Variants in LRRC4C observed in about 807,000 individuals in gnomAD.
LRRC4C encodes leucine rich repeat containing 4C.
In LRRC4C, 5 loss-of-function variants were observed where a neutral mutation model predicts 33.6. The ratio of observed to expected loss-of-function variants is 0.15; its 90% CI spans 0.08 to 0.31. The LOEUF (loss-of-function observed/expected upper bound fraction) is 0.31. Ranked by LOEUF, LRRC4C falls within the 10% of genes least tolerant of loss-of-function variation. The pLI is 1.00. For missense variants in LRRC4C, 560 were observed against 796.7 expected (o/e 0.70, Z 3.58); for synonymous variants, 329 against 302.0 (o/e 1.09, Z -0.93).
chr11:41,185,868 AT>A (rs1945672357), intron 1 of LRRC4C, among the ~76,000 whole-genome samples: 1 of 152,094 alleles, frequency 6.6e-6, no homozygotes, highest in Non-Finnish European at 1.5e-5. Flanking sequence ...AAAAACCAAA[AT>A]TTTAAAAAAA....
chr11:40,448,396 C>T (rs1951734379), intron 3 of LRRC4C, among the ~76,000 whole-genome samples: 1 of 152,064 alleles, frequency 6.6e-6, no homozygotes, highest in Admixed American at 6.6e-5. Context: ...TGCTACCCTC[C>T]CCTAGCTCCC....
chr11:40,609,913 A>AG (rs796128539), intron 3 of LRRC4C, among the ~76,000 whole-genome samples: 42 of 152,088 alleles, frequency 2.8e-4, no homozygotes, highest in African/African-American at 1.0e-3. Context: ...ACCTCCTAAC[A>AG]GAGAAAAGTC....
chr11:40,360,401 C>A (rs1590439202), intron 3 of LRRC4C, among the ~76,000 whole-genome samples: 1 of 152,154 alleles, frequency 6.6e-6, no homozygotes, highest in African/African-American at 2.4e-5. Flanking sequence ...GTCCGGGAAA[C>A]TACCAAGTCT....
chr11:40,372,682 A>G (rs1948501229), intron 3 of LRRC4C, among the ~76,000 whole-genome samples: 1 of 151,998 alleles, frequency 6.6e-6, no homozygotes, highest in African/African-American at 2.4e-5. Flanking sequence ...CCTGGATAGG[A>G]ATTTTGGGTT....
At chr11:41,262,687 T>C in intron 1 of LRRC4C, among the ~76,000 whole-genome samples, 1 of 152,160 alleles carries the variant, frequency 6.6e-6, no homozygotes, top group East Asian at 1.9e-4. Flanking sequence ...ACAGTTTTTG[T>C]TCAGTTGTCT....
chr11:40,295,042 G>A (rs946046388), intron 4 of LRRC4C, among the ~76,000 whole-genome samples: 10 of 152,146 alleles, frequency 6.6e-5, no homozygotes, highest in African/African-American at 2.4e-4. Flanking sequence ...AGGACAGCTT[G>A]ACAACTCAAT....
At chr11:40,221,886 C>G (rs1045799936) in intron 5 of LRRC4C, among the ~76,000 whole-genome samples, 1 of 152,118 alleles carries the variant, frequency 6.6e-6, no homozygotes, top group South Asian at 2.1e-4. Context: ...TTAAAAGGGA[C>G]AGGAATTGCT....
chr11:41,256,127 T>A (rs2136683951), intron 1 of LRRC4C, among the ~76,000 whole-genome samples: 1 of 152,168 alleles, frequency 6.6e-6, no homozygotes, highest in South Asian at 2.1e-4. Flanking sequence ...TTTTAAAGGC[T>A]GGCTCTGTCT....
intron 2 of LRRC4C, among the ~76,000 whole-genome samples, chr11:40,822,999 C>T (rs555560899): frequency 1.3e-5 from 2 of 151,752 alleles, no homozygotes; most frequent in South Asian, 4.1e-4. Flanking sequence ...GTGATTTTAT[C>T]TCTGGGTTCT....
intron 1 of LRRC4C, among the ~76,000 whole-genome samples, chr11:41,249,351 T>C (rs968056572): frequency 2.6e-5 from 4 of 152,148 alleles, no homozygotes; most frequent in African/African-American, 7.2e-5. Context: ...TATCTTCTTA[T>C]ACTTGGATTC....
chr11:41,084,135 C>A (rs930330868), intron 1 of LRRC4C, among the ~76,000 whole-genome samples: 2 of 152,044 alleles, frequency 1.3e-5, no homozygotes, highest in Non-Finnish European at 2.9e-5. Context: ...TGTATCTGCT[C>A]AAGAAAAGAA....
At chr11:40,992,772 T>C (rs1426029685) in intron 1 of LRRC4C, among the ~76,000 whole-genome samples, 1 of 152,162 alleles carries the variant, frequency 6.6e-6, no homozygotes, top group African/African-American at 2.4e-5. Flanking sequence ...GGTCTACTGT[T>C]TAGTATTCTC....
At chr11:41,209,812 C>G (rs944811021) in intron 1 of LRRC4C, among the ~76,000 whole-genome samples, 4 of 151,950 alleles carry the variant, frequency 2.6e-5, no homozygotes, top group African/African-American at 9.7e-5. Flanking sequence ...GAATTGCGTC[C>G]TCCCAGAATT....
At chr11:40,196,241 A>T (rs1320223588) in intron 5 of LRRC4C, among the ~76,000 whole-genome samples, 1 of 152,214 alleles carries the variant, frequency 6.6e-6, no homozygotes, top group Non-Finnish European at 1.5e-5. Context: ...AAAGGATGAA[A>T]CAAACAGAAT....
chr11:41,138,870 TTTAA>T (rs1376747873), intron 1 of LRRC4C, among the ~76,000 whole-genome samples: 4 of 152,214 alleles, frequency 2.6e-5, no homozygotes, highest in African/African-American at 4.8e-5. Flanking sequence ...TTGAGATTTC[TTTAA>T]TTAAACTTTC....
At chr11:40,574,551 G>C (rs1958108601) in intron 3 of LRRC4C, among the ~76,000 whole-genome samples, 1 of 152,078 alleles carries the variant, frequency 6.6e-6, no homozygotes, top group Non-Finnish European at 1.5e-5. Context: ...ACACCATATG[G>C]ATAAATATTT....
intron 4 of LRRC4C, among the ~76,000 whole-genome samples, chr11:40,246,174 A>G (rs1052582531): frequency 2.0e-5 from 3 of 151,986 alleles, no homozygotes; most frequent in Admixed American, 6.6e-5. Flanking sequence ...GGGTTTCACC[A>G]TGTTGGCCAG....
At chr11:40,596,522 G>A (rs11035950) in intron 3 of LRRC4C, among the ~76,000 whole-genome samples, 35,339 of 151,082 alleles carry the variant, frequency 0.23, 4,443 homozygotes, top group East Asian at 0.5. Context: ...TAATCATCCT[G>A]TTTTGCTACA....
chr11:41,156,242 G>A (rs1487085), intron 1 of LRRC4C, among the ~76,000 whole-genome samples: 11,362 of 152,056 alleles, frequency 0.075, 611 homozygotes, highest in African/African-American at 0.15. Flanking sequence ...AGACAACACA[G>A]TTACCCAAGG....
Sources: allele counts gnomAD v4.1 joint callset (sites outside exome capture counted in the v4.1 genomes callset), GRCh38; gene constraint gnomAD v4.1.1; transcripts MANE v1.5; gene names NCBI Gene and HGNC (gene_info 2026-07-23, HGNC 2026-07-21).